CEP128: variants seen among roughly 807,000 people sequenced by gnomAD.
CEP128 encodes the protein centrosomal protein 128.
In CEP128, 132 loss-of-function variants were observed where a neutral mutation model predicts 156.7. That is an observed-to-expected ratio of 0.84 (90% CI 0.73 to 0.97). The LOEUF (loss-of-function observed/expected upper bound fraction) is 0.97, where lower values mean the gene tolerates loss of function less well. Ranked by LOEUF, CEP128 falls within the 50% of genes least tolerant of loss-of-function variation. The probability of loss-of-function intolerance (pLI) is 0.00; values close to 1 mark genes in which losing one functional copy is unlikely to be tolerated. For synonymous variants in CEP128, 469 were observed against 448.9 expected, an observed-to-expected ratio of 1.04 and a Z score of -0.57; for missense variants, 1,252 against 1,281.9, an observed-to-expected ratio of 0.98 and a Z score of 0.36.
chr14:80,530,830 T>C lies in CEP128; in HGVS notation c.2937A>G (p.Leu979=). ...TCACTCTGAAGTCTTTGAAATCTTCTAGTAGGCTCAGTTTCTCAGGCACAG... is the reference window on the plus strand; with the variant it reads ...TCACTCTGAAGTCTTTGAAATCTTCCAGTAGGCTCAGTTTCTCAGGCACAG... ...LESVPEKLSL[L]EDFKDFRDSC... Residue 979 remains leucine, a synonymous_variant, in exon 22 of 25, where the codon CTA becomes CTG. Transcript: ENST00000555265. 3.1e-6 allele frequency: 5 copies of C among 1,606,862 alleles called. No individual in the cohort carries two copies. Among genetic ancestry groups the C allele is most frequent in the Non-Finnish European group, 4.3e-6 (5 of 1,176,116 alleles).
At chr14:80,735,979 G>A (rs770780290) in intron 19 of CEP128, among the ~76,000 whole-genome samples, 15 of 151,992 alleles carry the variant, frequency 9.9e-5, no homozygotes, top group Non-Finnish European at 1.2e-4. Flanking sequence ...ATTTTTTCCA[G>A]CTATAAAATC....
intron 6 of CEP128, among the ~76,000 whole-genome samples, chr14:80,900,667 G>A (rs1457177111): frequency 1.3e-5 from 2 of 152,058 alleles, no homozygotes; most frequent in Non-Finnish European, 2.9e-5. Context: ...TTCCTCCACC[G>A]GAGTATGATA....
At chr14:80,757,069 G>C in intron 17 of CEP128, 118 bp from the exon 18 acceptor site, 1 of 660,522 alleles carries the variant, frequency 1.5e-6, no homozygotes, top group East Asian at 2.9e-5. Flanking sequence ...GATTTAAAAA[G>C]AAAAATTGTT....
At chr14:80,564,783 G>A (rs1018971532) in intron 20 of CEP128, among the ~76,000 whole-genome samples, 8 of 152,186 alleles carry the variant, frequency 5.3e-5, no homozygotes, top group African/African-American at 1.4e-4. Context: ...TTTAGGGCAG[G>A]CGCAGTGGCT....
At chr14:80,932,293 T>C (rs2371458) in intron 2 of CEP128, among the ~76,000 whole-genome samples, 152,309 of 152,368 alleles carry the variant, frequency 1, 76,127 homozygotes, top group Non-Finnish European at 1. Context: ...TTCTCAACCA[T>C]AAAAGATCCC....
At position 80,840,676 on chromosome 14, in the gene CEP128, T is replaced by C. The variant is rs1198409045; in HGVS notation, c.849+6A>G. The stretch of plus-strand genomic sequence containing the variant: ...ATTCTTTGAAAGATAACTTTTAAAA[T>C]CTTACTTGATTCTTCTCAGTTTCAG... On this transcript the variant is annotated splice_donor_region_variant and intron_variant, in intron 10 of 24. Coordinates refer to ENST00000555265, the MANE Select transcript of CEP128 (RefSeq NM_152446.5). 3 of 1,574,652 alleles carry C rather than the reference T, an allele frequency of 1.9e-6. No individual in the cohort carries two copies. The highest frequency in any genetic ancestry group is 3.4e-5 in the Admixed American group (2 of 59,528).
chr14:80,834,831 C>T (rs1195157897), intron 12 of CEP128, among the ~76,000 whole-genome samples: 2 of 152,250 alleles, frequency 1.3e-5, no homozygotes, highest in East Asian at 3.9e-4. Context: ...AATTATATCA[C>T]ATGAAACTTA....
intron 19 of CEP128, among the ~76,000 whole-genome samples, chr14:80,658,035 C>G (rs1037674734): frequency 6.6e-6 from 1 of 152,006 alleles, no homozygotes; most frequent in Non-Finnish European, 1.5e-5. Context: ...TAACAGGAGA[C>G]CTGTGTTACT....
intron 19 of CEP128, among the ~76,000 whole-genome samples, chr14:80,604,183 T>C (rs995935689): frequency 6.6e-6 from 1 of 152,152 alleles, no homozygotes; most frequent in African/African-American, 2.4e-5. Context: ...CTAAAATAGA[T>C]ATGCTCATGT....
chr14:80,642,624 A>G (rs1284679365), intron 19 of CEP128, among the ~76,000 whole-genome samples: 2 of 152,168 alleles, frequency 1.3e-5, no homozygotes, highest in African/African-American at 2.4e-5. Flanking sequence ...TCAAGGTTGC[A>G]GTAAGCCTGG....
At chr14:80,643,448 G>A (rs1193343341) in intron 19 of CEP128, among the ~76,000 whole-genome samples, 1 of 152,150 alleles carries the variant, frequency 6.6e-6, no homozygotes, top group Admixed American at 6.5e-5. Flanking sequence ...GCCGGGTGTG[G>A]TGGTTCACGC....
intron 23 of CEP128, among the ~76,000 whole-genome samples, chr14:80,511,733 T>C (rs1461814422): frequency 6.6e-6 from 1 of 152,070 alleles, no homozygotes; most frequent in Non-Finnish European, 1.5e-5. Flanking sequence ...TTTATTGCTA[T>C]AAACTTTCCT....
intron 19 of CEP128, among the ~76,000 whole-genome samples, chr14:80,734,295 A>G (rs10143005): frequency 0.71 from 107,986 of 152,022 alleles, 38,499 homozygotes; most frequent in African/African-American, 0.76. Flanking sequence ...ACTAGCCTGC[A>G]TTGTGTCTTC....
chr14:80,821,600 T>TACACACACACACACACACAC (rs71103885), intron 13 of CEP128, among the ~76,000 whole-genome samples: 1 of 145,278 alleles, frequency 6.9e-6, no homozygotes, highest in African/African-American at 2.6e-5. Flanking sequence ...CATACACACA[T>TACACACACACACACACACAC]ACACACACAC....
At chr14:80,748,240 T>C (rs1899207181) in intron 18 of CEP128, among the ~76,000 whole-genome samples, 1 of 152,188 alleles carries the variant, frequency 6.6e-6, no homozygotes, top group Admixed American at 6.5e-5. Flanking sequence ...AAAGCCTACT[T>C]CGCTTCTCAA....
chr14:80,880,668 AAC>A (rs1888489833), intron 8 of CEP128, among the ~76,000 whole-genome samples: 1 of 148,174 alleles, frequency 6.7e-6, no homozygotes, highest in Non-Finnish European at 1.5e-5. Flanking sequence ...CATCCTGGCT[AAC>A]ACAGTGAAAC....
chr14:80,943,778 G>C (rs1281805110), upstream of CEP128, among the ~76,000 whole-genome samples: 1 of 152,096 alleles, frequency 6.6e-6, no homozygotes, highest in East Asian at 1.9e-4. Flanking sequence ...TGGATCACGT[G>C]AGGTCAGGAG....
At chr14:80,519,037 C>T (rs548389273) in intron 23 of CEP128, among the ~76,000 whole-genome samples, 35 of 152,312 alleles carry the variant, frequency 2.3e-4, no homozygotes, top group East Asian at 1.3e-3. Context: ...GCTATCTTTG[C>T]ACCAAAAGCT....
rs1887514031 is a variant in CEP128 at position 80,496,838 on chromosome 14, T to C, written c.*641A>G. 1 of 152,246 alleles carries C rather than the reference T, an allele frequency of 6.6e-6. No individual in the cohort carries two copies. The highest frequency in any genetic ancestry group is 2.4e-5 in the African/African-American group (1 of 41,442). The allele number at this position is 152,246 out of a possible 1,614,324, so 9.4% of individuals were successfully genotyped here. On this transcript the variant is annotated 3_prime_UTR_variant, in exon 25 of 25. Coordinates refer to ENST00000555265, the MANE Select transcript of CEP128 (RefSeq NM_152446.5). ...AAATTGTGCTATGAATTCTTTACAG[T>C]GCTCTACAGTTCAGATATCATTTAT...
Sources: allele counts gnomAD v4.1 joint callset (sites outside exome capture counted in the v4.1 genomes callset), GRCh38; gene constraint gnomAD v4.1.1; transcripts MANE v1.5; gene names NCBI Gene and HGNC (gene_info 2026-07-23, HGNC 2026-07-21).